The following ZNF385D variants were observed in gnomAD, a reference collection of about 807,000 sequenced individuals.
ZNF385D encodes the protein zinc finger protein 385D.
A neutral mutation model predicts 35.8 loss-of-function variants in ZNF385D; 15 were observed. That is an observed-to-expected ratio of 0.42 (90% confidence interval 0.28 to 0.64). The LOEUF (loss-of-function observed/expected upper bound fraction) is 0.64. Among genes scored for constraint, ZNF385D ranks in the 30% least tolerant of loss-of-function variants. ZNF385D has a pLI of 0.23. For synonymous variants in ZNF385D, 212 were observed against 186.8 expected, an observed-to-expected ratio of 1.13 and a Z score of -1.10; for missense variants, 474 against 494.6, an observed-to-expected ratio of 0.96 and a Z score of 0.39.
chr3:21,883,172 T>C (rs2630813), intron 3 of ZNF385D, among the ~76,000 whole-genome samples: 9,397 of 151,992 alleles, frequency 0.062, 378 homozygotes, highest in Middle Eastern at 0.17. Flanking sequence ...TATGACAATG[T>C]CTTGGTAGCT....
intron 2 of ZNF385D, among the ~76,000 whole-genome samples, chr3:22,205,353 T>C (rs1697077744): frequency 6.6e-6 from 1 of 151,738 alleles, no homozygotes; most frequent in African/African-American, 2.4e-5. Context: ...AGACCTGTGC[T>C]ATAAGAAATG....
At chr3:21,985,529 G>C (rs1694756171) in intron 3 of ZNF385D, among the ~76,000 whole-genome samples, 1 of 117,796 alleles carries the variant, frequency 8.5e-6, no homozygotes, top group African/African-American at 3.7e-5. Context: ...ACTTGATCAT[G>C]GTGGATAAGC....
intron 4 of ZNF385D, chr3:21,443,323 G>A: frequency 1.0e-6 from 1 of 985,310 alleles, no homozygotes; most frequent in South Asian, 4.7e-5. Context: ...CAATTCCTGG[G>A]GAACAAAGTG....
intron 2 of ZNF385D, among the ~76,000 whole-genome samples, chr3:22,202,907 G>A (rs893483181): frequency 6.6e-6 from 1 of 152,114 alleles, no homozygotes; most frequent in Non-Finnish European, 1.5e-5. Context: ...GGCAAGACTT[G>A]CCACTGTGGG....
chr3:22,156,777 C>T (rs1318918145), intron 3 of ZNF385D, among the ~76,000 whole-genome samples: 2 of 151,978 alleles, frequency 1.3e-5, no homozygotes, highest in Non-Finnish European at 2.9e-5. Context: ...TTTAAAGGAC[C>T]GAACGCATAC....
At chr3:21,782,187 G>A (rs2071516516) in intron 3 of ZNF385D, among the ~76,000 whole-genome samples, 2 of 152,046 alleles carry the variant, frequency 1.3e-5, no homozygotes, top group Admixed American at 6.6e-5. Flanking sequence ...TGAGAGTTGT[G>A]CCTATGTGCC....
chr3:21,940,821 A>G (rs544716004), intron 3 of ZNF385D, among the ~76,000 whole-genome samples: 1 of 152,316 alleles, frequency 6.6e-6, no homozygotes, highest in Non-Finnish European at 1.5e-5. Context: ...TATGCTGCAT[A>G]AAATATTTAT....
At chr3:22,318,320 G>A (rs1704013617) in intron 2 of ZNF385D, among the ~76,000 whole-genome samples, 1 of 152,122 alleles carries the variant, frequency 6.6e-6, no homozygotes, top group Non-Finnish European at 1.5e-5. Context: ...TTGAGAAAAT[G>A]GATGAAGATG....
chr3:22,291,360 T>C (rs1702293438), intron 2 of ZNF385D, among the ~76,000 whole-genome samples: 1 of 152,142 alleles, frequency 6.6e-6, no homozygotes, highest in Non-Finnish European at 1.5e-5. Flanking sequence ...TATGAGTTCT[T>C]GTGCTTTAAA....
At chr3:21,783,411 G>C (rs1049064377) in intron 3 of ZNF385D, among the ~76,000 whole-genome samples, 7 of 152,112 alleles carry the variant, frequency 4.6e-5, no homozygotes, top group Admixed American at 2.6e-4. Flanking sequence ...TGGAGTAGGA[G>C]AAGGGAAACA....
Position 21,809,605 on chromosome 3 carries a change from T to C in ZNF385D, c.326-144577A>G, listed in dbSNP as rs372934910. ...ATATACAATGATATATATATACACA[T>C]ATATATACATATATACATACACACA... On this transcript the variant is annotated intron_variant, in intron 3 of 5. Transcript: ENST00000494108. 6.0e-5 allele frequency among the ~76,000 whole-genome samples: 9 copies of C among 150,472 alleles called. No homozygotes were observed. The East Asian group carries it at 7.8e-4, about 13-fold the overall frequency.
intron 2 of ZNF385D, among the ~76,000 whole-genome samples, chr3:21,628,160 A>G (rs1273792032): frequency 6.6e-6 from 1 of 152,082 alleles, no homozygotes; most frequent in East Asian, 1.9e-4. Flanking sequence ...GAGGGTGGTG[A>G]CACATATAGG....
At chr3:22,286,723 T>C (rs961408305) in intron 2 of ZNF385D, among the ~76,000 whole-genome samples, 1 of 152,170 alleles carries the variant, frequency 6.6e-6, no homozygotes, top group African/African-American at 2.4e-5. Context: ...TACTGATTTC[T>C]AGTTTTGTTG....
chr3:22,149,776 C>T (rs1055862576), intron 3 of ZNF385D, among the ~76,000 whole-genome samples: 5 of 152,182 alleles, frequency 3.3e-5, no homozygotes, highest in African/African-American at 1.2e-4. Flanking sequence ...CCCAGACCAC[C>T]TGCAAAAGAC....
intron 2 of ZNF385D, among the ~76,000 whole-genome samples, chr3:22,304,093 G>T (rs1178894952): frequency 2.6e-5 from 4 of 151,986 alleles, no homozygotes; most frequent in African/African-American, 9.7e-5. Flanking sequence ...CCTTTTAACT[G>T]CATAAAGCTT....
chr3:21,428,158 T>G (rs900971411), intron 5 of ZNF385D, among the ~76,000 whole-genome samples: 2 of 152,170 alleles, frequency 1.3e-5, no homozygotes, highest in African/African-American at 4.8e-5. Flanking sequence ...TATTCTTAAT[T>G]ATAAAGCATT....
chr3:22,097,544 A>T (rs1280271180), intron 3 of ZNF385D, among the ~76,000 whole-genome samples: 1 of 152,088 alleles, frequency 6.6e-6, no homozygotes, highest in Non-Finnish European at 1.5e-5. Context: ...AGATCTTGCT[A>T]AAGAGTTTTC....
At chr3:21,883,047 G>C (rs1698359163) in intron 3 of ZNF385D, among the ~76,000 whole-genome samples, 1 of 151,926 alleles carries the variant, frequency 6.6e-6, no homozygotes, top group Non-Finnish European at 1.5e-5. Context: ...ATTTGGAGGT[G>C]ACAGATTTAT....
chr3:22,008,173 A>G (rs1663988768), intron 3 of ZNF385D, among the ~76,000 whole-genome samples: 1 of 152,112 alleles, frequency 6.6e-6, no homozygotes, highest in African/African-American at 2.4e-5. Context: ...AGCTCCTCAT[A>G]AAATTCAGAA....
Sources: gnomAD v4.1 joint callset for allele counts (sites outside exome capture counted in the v4.1 genomes callset) on GRCh38, gnomAD v4.1.1 for gene constraint, MANE v1.5 for transcripts, NCBI Gene and HGNC (gene_info 2026-07-23, HGNC 2026-07-21) for gene names.